Variants in GFRA2 observed in about 807,000 individuals in gnomAD.
GFRA2 encodes GDNF family receptor alpha-2.
In GFRA2, 17 loss-of-function variants were observed where a neutral mutation model predicts 48.3. That is an observed-to-expected ratio of 0.35 (90% CI 0.24 to 0.53). GFRA2 has a LOEUF of 0.53. Among genes scored for constraint, GFRA2 ranks in the 20% least tolerant of loss-of-function variants. The probability of loss-of-function intolerance (pLI) is 0.93; values close to 1 mark genes in which losing one functional copy is unlikely to be tolerated. For missense variants in GFRA2, 660 were observed against 637.3 expected, an observed-to-expected ratio of 1.04 and a Z score of -0.38; for synonymous variants, 305 against 257.2, an observed-to-expected ratio of 1.19 and a Z score of -1.78.
At chr8:21,766,905 A>C (rs1388535893) in intron 3 of GFRA2, among the ~76,000 whole-genome samples, 2 of 130,000 alleles carry the variant, frequency 1.5e-5, no homozygotes, top group Non-Finnish European at 3.3e-5. Flanking sequence ...ATCCACACAC[A>C]CGCTAACACA....
intron 3 of GFRA2, among the ~76,000 whole-genome samples, chr8:21,768,232 T>A (rs1806274187): frequency 6.6e-6 from 1 of 152,218 alleles, no homozygotes; most frequent in Non-Finnish European, 1.5e-5. Flanking sequence ...AAAGCCCAAT[T>A]TTCGTTGACA....
At chr8:21,723,045 C>G (rs1803682881) in intron 4 of GFRA2, among the ~76,000 whole-genome samples, 1 of 152,184 alleles carries the variant, frequency 6.6e-6, no homozygotes, top group African/African-American at 2.4e-5. Context: ...GTCTCAAAAC[C>G]TCTGCTGTAA....
At chr8:21,782,368 G>A (rs1807037484) in intron 2 of GFRA2, among the ~76,000 whole-genome samples, 1 of 145,548 alleles carries the variant, frequency 6.9e-6, no homozygotes, top group Non-Finnish European at 1.5e-5. Context: ...TGTTGCTTCT[G>A]CCTCCTCTTT....
chr8:21,789,682 G>C (rs1807491013), upstream of GFRA2, among the ~76,000 whole-genome samples: 3 of 151,960 alleles, frequency 2.0e-5, no homozygotes, highest in South Asian at 6.2e-4. Flanking sequence ...TGTGCTCTCC[G>C]CGCGGACCTC....
intron 5 of GFRA2, among the ~76,000 whole-genome samples, chr8:21,705,715 G>A (rs1353966825): frequency 6.6e-6 from 1 of 152,208 alleles, no homozygotes; most frequent in Non-Finnish European, 1.5e-5. Context: ...GGAGGCCCCT[G>A]GGGCCCTCCT....
At position 21,706,294 on chromosome 8, in the gene GFRA2, A is replaced by G. The variant is rs898598742; in HGVS notation, c.795-253T>C. 3 of 619,440 alleles carry G rather than the reference A, an allele frequency of 4.8e-6. No homozygotes were observed. In the African/African-American group the frequency reaches 5.4e-5, roughly 11 times the overall value. 38.4% of individuals were successfully genotyped at this position (619,440 alleles called of 1,614,324 possible). ...AGAAAAACCCAGTCATTGGCTGACA[A>G]AAAGGACCCCTCAAGGCACAGAAAC... On this transcript the variant is annotated intron_variant, in intron 4 of 8. Transcript: ENST00000524240.
At chr8:21,774,462 T>G (rs2117704849) in intron 3 of GFRA2, among the ~76,000 whole-genome samples, 1 of 152,064 alleles carries the variant, frequency 6.6e-6, no homozygotes, top group East Asian at 1.9e-4. Context: ...GCAGAACAGA[T>G]CTTATAGGAC....
intron 4 of GFRA2, among the ~76,000 whole-genome samples, chr8:21,729,752 C>T (rs1389246497): frequency 2.0e-5 from 3 of 152,116 alleles, no homozygotes; most frequent in African/African-American, 7.2e-5. Flanking sequence ...AGTCTCCCCT[C>T]CCTCCCACCG....
At chr8:21,742,498 T>C (rs758314938) in intron 4 of GFRA2, among the ~76,000 whole-genome samples, 4 of 152,192 alleles carry the variant, frequency 2.6e-5, no homozygotes, top group Non-Finnish European at 5.9e-5. Flanking sequence ...AAATGTTTGC[T>C]GTTGAAGCAA....
chr8:21,801,356 G>A (rs1170450993), intron 2 of GFRA2, among the ~76,000 whole-genome samples: 2 of 152,138 alleles, frequency 1.3e-5, no homozygotes, highest in African/African-American at 2.4e-5. Context: ...AGCCTTCTGG[G>A]AGCATTGAAA....
chr8:21,773,611 C>A (rs1806545953), intron 3 of GFRA2, among the ~76,000 whole-genome samples: 1 of 152,196 alleles, frequency 6.6e-6, no homozygotes, highest in Non-Finnish European at 1.5e-5. Flanking sequence ...AAAACTCAAA[C>A]CTTCAAGACA....
intron 4 of GFRA2, among the ~76,000 whole-genome samples, chr8:21,709,600 G>T (rs942575591): frequency 6.6e-6 from 1 of 152,228 alleles, no homozygotes; most frequent in African/African-American, 2.4e-5. Context: ...TGTGCCTGGG[G>T]GCCAGGGACT....
At position 21,691,155 on chromosome 8, in the gene GFRA2, C is replaced by T. The variant is rs1801871119; in HGVS notation, c.*2123G>A. On this transcript the variant is annotated 3_prime_UTR_variant, in exon 9 of 9. Transcript: ENST00000524240. Reference sequence around the variant, plus strand: ...TATTGTCCAGTTGAAATGGGATGGGCTCACATGCAGCCCTGAAGGCCAGGC... The same window carrying T: ...TATTGTCCAGTTGAAATGGGATGGGTTCACATGCAGCCCTGAAGGCCAGGC... 1 of 152,254 alleles carries T rather than the reference C, an allele frequency of 6.6e-6. No homozygotes were observed. The highest frequency in any genetic ancestry group is 2.4e-5 in the African/African-American group (1 of 41,452). The allele number at this position is 152,254 out of a possible 1,614,324, so 9.4% of individuals were successfully genotyped here.
chr8:21,802,605 T>G (rs1286792293), intron 2 of GFRA2, among the ~76,000 whole-genome samples: 1 of 152,114 alleles, frequency 6.6e-6, no homozygotes, highest in Non-Finnish European at 1.5e-5. Flanking sequence ...TCCTCCCACT[T>G]TGGCTTCCCA....
chr8:21,714,223 T>C (rs1276490247), intron 4 of GFRA2, among the ~76,000 whole-genome samples: 1 of 144,968 alleles, frequency 6.9e-6, no homozygotes, highest in African/African-American at 2.5e-5. Context: ...CCAGTGCTGA[T>C]CAATACATAC....
At chr8:21,767,217 A>AC (rs1563257428) in intron 3 of GFRA2, among the ~76,000 whole-genome samples, 41 of 139,918 alleles carry the variant, frequency 2.9e-4, no homozygotes, top group African/African-American at 8.0e-4. Context: ...ACCATGCCCA[A>AC]ACACACACAC....
intron 4 of GFRA2, among the ~76,000 whole-genome samples, chr8:21,738,562 C>A (rs544558832): frequency 1.3e-5 from 2 of 152,152 alleles, no homozygotes; most frequent in Admixed American, 6.5e-5. Context: ...GGCTCCCCAC[C>A]GTCTTCTGGG....
intron 1 of GFRA2, among the ~76,000 whole-genome samples, chr8:21,783,683 A>G (rs1585339341): frequency 6.6e-6 from 1 of 151,286 alleles, no homozygotes; most frequent in South Asian, 2.1e-4. Flanking sequence ...GGAGACCTGA[A>G]CTCTCCTCTT....
Position 21,750,055 on chromosome 8 carries a change from ATATATATGTG to A in GFRA2, c.794+523_794+532del, listed in dbSNP as rs1331134441. On this transcript the variant is annotated intron_variant, in intron 4 of 8. Coordinates refer to ENST00000524240, the MANE Select transcript of GFRA2 (RefSeq NM_001495.5). The surrounding 1 kb of genome is among the most constrained non-coding windows in gnomAD (Gnocchi z 5.7). Reference sequence around the variant, plus strand: ...TTAGCTCTATATAATATATGTAAGTATATATATGTGTATATATGTGTGTGTGTGTGTATAC... The same window carrying A: ...TTAGCTCTATATAATATATGTAAGTATATATATGTGTGTGTGTGTGTATAC... Among the ~76,000 whole-genome samples the A allele has an allele frequency of 6.8e-6, 1 of 146,234 alleles. No homozygotes were observed. The highest frequency in any genetic ancestry group is 2.1e-4 in the South Asian group (1 of 4,740).
Sources: gnomAD v4.1 joint callset for allele counts (sites outside exome capture counted in the v4.1 genomes callset) on GRCh38, gnomAD v4.1.1 for gene constraint, Gnocchi (gnomAD v3.1) non-coding constraint, MANE v1.5 for transcripts, NCBI Gene and HGNC (gene_info 2026-07-23, HGNC 2026-07-21) for gene names.